CDC37L1: variants seen among roughly 807,000 people sequenced by gnomAD.
The protein encoded by CDC37L1 is hsp90 co-chaperone Cdc37-like 1.
In CDC37L1, 32 loss-of-function variants were observed where a neutral mutation model predicts 45.9. The observed-to-expected ratio is 0.70, with a 90% CI of 0.53 to 0.94. The LOEUF is 0.94. CDC37L1 is among the 40% of genes least tolerant of loss of function. The probability of loss-of-function intolerance (pLI) is 0.00; values close to 1 mark genes in which losing one functional copy is unlikely to be tolerated. For missense variants in CDC37L1, 434 were observed against 405.7 expected (o/e 1.07, Z -0.60); for synonymous variants, 150 against 133.0 (o/e 1.13, Z -0.88).
In CDC37L1 at chr9:4,708,161, G is replaced by GAAAC. The variant is rs994374897; in HGVS notation, c.*2051_*2054dup. 4.6e-5 allele frequency: 7 copies of GAAAC among 152,212 alleles called. No individual in the cohort carries two copies. The highest frequency in any genetic ancestry group is 2.6e-4 in the Admixed American group (4 of 15,280). The allele number at this position is 152,212 out of a possible 1,614,324, so 9.4% of individuals were successfully genotyped here. A position where few individuals can be genotyped will look rare whatever the true frequency, so the allele number is the denominator to read the frequency against. ...CATAGTTAGCCGTACTTTAGTACTAGAAACAGTAAATTGACATCCTTGAAC... is the reference window on the plus strand; with the variant it reads ...CATAGTTAGCCGTACTTTAGTACTAGAAACAAACAGTAAATTGACATCCTTGAAC... On this transcript the variant is annotated 3_prime_UTR_variant, in exon 7 of 7. Transcript: ENST00000381854.
At chr9:4,702,506 T>C (rs939276977) in intron 6 of CDC37L1, among the ~76,000 whole-genome samples, 2 of 152,208 alleles carry the variant, frequency 1.3e-5, no homozygotes, top group Non-Finnish European at 2.9e-5. Context: ...TTAGAACACA[T>C]TAATGTAGCT....
chr9:4,704,491 TAGGA>T lies in CDC37L1; in HGVS notation c.913-1517_913-1514del, dbSNP rs1444624361. ...CTGTATGATAGTATCTTACAGTTCT[TAGGA>T]AGATGGGTGGATGAGTTTTGGAGAA... On this transcript the variant is annotated intron_variant, in intron 6 of 6. Coordinates refer to ENST00000381854, the MANE Select transcript of CDC37L1 (RefSeq NM_017913.4). Among the ~76,000 whole-genome samples the T allele has an allele frequency of 1.2e-4, 19 of 152,334 alleles. No homozygotes were observed. In the East Asian group the frequency reaches 1.9e-3, roughly 15 times the overall value.
intron 3 of CDC37L1, among the ~76,000 whole-genome samples, chr9:4,694,928 C>T (rs753528395): frequency 1.1e-4 from 16 of 152,074 alleles, no homozygotes; most frequent in Non-Finnish European, 2.1e-4. Context: ...CCCCAAGTGT[C>T]AGGAACCCTT....
At position 4,679,830 on chromosome 9, in the gene CDC37L1, G is replaced by T. The variant is rs774003377; in HGVS notation, c.63G>T (p.Glu21Asp). Reference protein sequence around the residue: ...WSLPRAEGEAEEESDFDVFPS... With the variant: ...WSLPRAEGEADEESDFDVFPS... Reference sequence around the variant, plus strand: ...TCCCTCGGGCCGAGGGTGAGGCTGAGGAAGAGAGTGACTTCGACGTGTTCC... The same window carrying T: ...TCCCTCGGGCCGAGGGTGAGGCTGATGAAGAGAGTGACTTCGACGTGTTCC... Residue 21 changes from glutamate (E) to aspartate (D), a missense_variant, in exon 1 of 7, where the codon GAG becomes GAT. Transcript: ENST00000381854. 1 of 1,613,976 alleles carries T rather than the reference G, an allele frequency of 6.2e-7. No individual in the cohort carries two copies. The highest frequency in any genetic ancestry group is 2.2e-5 in the East Asian group (1 of 44,870).
chr9:4,697,189 GT>G lies in CDC37L1; in HGVS notation c.606del (p.His203ThrfsTer10). On this transcript the variant is annotated frameshift_variant, in exon 4 of 7. Coordinates refer to ENST00000381854, the MANE Select transcript of CDC37L1 (RefSeq NM_017913.4). LOFTEE classifies it high-confidence loss of function. Reference protein sequence around the residue: ...EETAKYLILWCFHLEAEKKGA... With the variant: ...EETAKYLILWXFHLEAEKKGA... ...ACTGCTAAATATCTTATTTTATGGT[GT>G]TTTCACCTGGAAGCTGAGAAGGTAT... The G allele has an allele frequency of 6.5e-7, 1 of 1,538,238 alleles. No homozygotes were observed. Among genetic ancestry groups the G allele is most frequent in the Non-Finnish European group, 9.0e-7 (1 of 1,112,874 alleles).
chr9:4,700,694 TG>T (rs1841388684), intron 5 of CDC37L1, among the ~76,000 whole-genome samples: 1 of 152,248 alleles, frequency 6.6e-6, no homozygotes, highest in Non-Finnish European at 1.5e-5. Flanking sequence ...ATGCTTACTT[TG>T]TTCCAGGGAC....
At chr9:4,702,815 G>A (rs917339865) in intron 6 of CDC37L1, among the ~76,000 whole-genome samples, 1 of 150,372 alleles carries the variant, frequency 6.7e-6, no homozygotes, top group Non-Finnish European at 1.5e-5. Context: ...CGTGAACCCG[G>A]GAGGCAGAGC....
chr9:4,701,252 G>A (rs1350551444), intron 5 of CDC37L1, among the ~76,000 whole-genome samples: 1 of 152,154 alleles, frequency 6.6e-6, no homozygotes, highest in Non-Finnish European at 1.5e-5. Context: ...TTGCCTAAGA[G>A]TTCCACTCCC....
At chr9:4,681,907 T>G (rs1044540305) in intron 1 of CDC37L1, among the ~76,000 whole-genome samples, 9 of 152,278 alleles carry the variant, frequency 5.9e-5, no homozygotes, top group South Asian at 2.1e-4. Flanking sequence ...ATGTTTAATG[T>G]CCCTCTAAAA....
rs1409455748 is a variant in CDC37L1 at position 4,707,589 on chromosome 9, TC to T, written c.*1479del. On this transcript the variant is annotated 3_prime_UTR_variant, in exon 7 of 7. Coordinates refer to ENST00000381854, the MANE Select transcript of CDC37L1 (RefSeq NM_017913.4). ...ATCTTCTTCTGTAACATCACAATCT[TC>T]CTGGTTTTCAGAATAAACGTTTTTG... is the stretch of plus-strand genomic sequence containing the variant. 5.3e-5 allele frequency: 8 copies of T among 152,218 alleles called. No homozygotes were observed. The highest frequency in any genetic ancestry group is 2.6e-4 in the Admixed American group (4 of 15,276). The allele number at this position is 152,218 out of a possible 1,614,324, so 9.4% of individuals were successfully genotyped here.
At position 4,707,037 on chromosome 9, in the gene CDC37L1, CT is replaced by C. The variant is rs1315661209; in HGVS notation, c.*927del. 10 of 128,078 alleles carry C rather than the reference CT, an allele frequency of 7.8e-5. No individual in the cohort carries two copies. In the East Asian group the frequency reaches 2.6e-3, roughly 33 times the overall value. The allele number at this position is 128,078 out of a possible 1,614,324, so 7.9% of individuals were successfully genotyped here. A position where few individuals can be genotyped will look rare whatever the true frequency, so the allele number is the denominator to read the frequency against. ...TGATGTAGCCTTTTAAAAAAGGAGTCTTAAAAATGATTTTTTTTTTAAAGGC... is the reference window on the plus strand; with the variant it reads ...TGATGTAGCCTTTTAAAAAAGGAGTCTAAAAATGATTTTTTTTTTAAAGGC... On this transcript the variant is annotated 3_prime_UTR_variant, in exon 7 of 7. Coordinates refer to ENST00000381854, the MANE Select transcript of CDC37L1 (RefSeq NM_017913.4).
chr9:4,687,975 A>G (rs1182892413), intron 2 of CDC37L1, among the ~76,000 whole-genome samples: 3 of 152,182 alleles, frequency 2.0e-5, no homozygotes, highest in Non-Finnish European at 4.4e-5. Context: ...GATTTCTAAG[A>G]TGAACCTATA....
chr9:4,701,433 G>T (rs1309786150), intron 5 of CDC37L1, among the ~76,000 whole-genome samples: 1 of 152,170 alleles, frequency 6.6e-6, no homozygotes, highest in African/African-American at 2.4e-5. Flanking sequence ...AGGTAATAGT[G>T]CCCCCTCATT....
chr9:4,697,534 G>C (rs1841359227), intron 4 of CDC37L1, among the ~76,000 whole-genome samples: 1 of 151,768 alleles, frequency 6.6e-6, no homozygotes, highest in Non-Finnish European at 1.5e-5. Flanking sequence ...CGGTAATCAT[G>C]GTATTAAATC....
rs1406357921 is a variant in CDC37L1, at chr9:4,685,423, A to C, written c.414+265A>C. 1.7e-5 allele frequency: 5 copies of C among 297,622 alleles called. No individual in the cohort carries two copies. The East Asian group carries it at 3.2e-4, about 19-fold the overall frequency. The allele number at this position is 297,622 out of a possible 1,614,324, so 18.4% of individuals were successfully genotyped here. A position where few individuals can be genotyped will look rare whatever the true frequency, so the allele number is the denominator to read the frequency against. ...CTGAACAAATATTACATATATTAAA[A>C]AACATTCACAAGAATTTGATATAAG... is the stretch of plus-strand genomic sequence containing the variant. On this transcript the variant is annotated intron_variant, in intron 2 of 6. Coordinates refer to ENST00000381854, the MANE Select transcript of CDC37L1 (RefSeq NM_017913.4).
In CDC37L1 at chr9:4,684,892, A is replaced by G. The variant is rs1330181468; in HGVS notation, c.148A>G (p.Ile50Val). 1 of 1,611,658 alleles carries G rather than the reference A, an allele frequency of 6.2e-7. No homozygotes were observed. The highest frequency in any genetic ancestry group is 8.5e-7 in the Non-Finnish European group (1 of 1,178,094). The change falls in exon 2 of 7, where the codon ATT becomes GTT. Residue 50 changes from isoleucine to valine, a missense_variant. By Grantham distance (29) the Ile-to-Val change is conservative (BLOSUM62 3). Transcript: ENST00000381854. ...GGGAQMYSHG[I>V]ELACQKQKEF... ...TTTTATCCAGATGTATAGCCATGGA[A>G]TTGAATTGGCTTGCCAAAAGCAGAA...
chr9:4,680,020 C>G (rs982361110), intron 1 of CDC37L1, 121 bp downstream of exon 1: 1 of 1,309,840 alleles, frequency 7.6e-7, no homozygotes, highest in African/African-American at 1.5e-5. Flanking sequence ...TGCCAGGGGC[C>G]GGGGACCTGG....
intron 6 of CDC37L1, among the ~76,000 whole-genome samples, chr9:4,702,543 C>T (rs1587624354): frequency 6.6e-6 from 1 of 151,994 alleles, no homozygotes; most frequent in African/African-American, 2.4e-5. Flanking sequence ...GTAATACTGG[C>T]CAACTGTTTG....
chr9:4,690,436 A>G (rs1343478005), intron 3 of CDC37L1, among the ~76,000 whole-genome samples: 3 of 152,312 alleles, frequency 2.0e-5, no homozygotes, highest in South Asian at 4.1e-4. Context: ...GTTTTTCGCT[A>G]CTAGTAAATT....
Sources: allele counts gnomAD v4.1 joint callset (sites outside exome capture counted in the v4.1 genomes callset), GRCh38; gene constraint gnomAD v4.1.1; transcripts MANE v1.5; gene names NCBI Gene and HGNC (gene_info 2026-07-23, HGNC 2026-07-21).